CYTH3: variants seen among roughly 807,000 people sequenced by gnomAD.
CYTH3 encodes cytohesin 3.
In CYTH3, 23 loss-of-function variants were observed where a neutral mutation model predicts 55.1. The observed-to-expected ratio is 0.42, with a 90% CI of 0.30 to 0.59. The LOEUF (loss-of-function observed/expected upper bound fraction) is 0.59, where lower values mean the gene tolerates loss of function less well. Among genes scored for constraint, CYTH3 ranks in the 20% least tolerant of loss-of-function variants. CYTH3 has a pLI of 0.20. For missense variants in CYTH3, 413 were observed against 524.8 expected (o/e 0.79, Z 2.08); for synonymous variants, 249 against 194.9 (o/e 1.28, Z -2.31).
intron 9 of CYTH3, among the ~76,000 whole-genome samples, chr7:6,168,239 T>C (rs1006117067): frequency 4.7e-5 from 7 of 149,498 alleles, no homozygotes; most frequent in Non-Finnish European, 8.9e-5. Flanking sequence ...TTTTTTTTTT[T>C]CTGGTGATTG....
intron 1 of CYTH3, among the ~76,000 whole-genome samples, chr7:6,217,174 A>G (rs953335778): frequency 3.9e-5 from 6 of 152,224 alleles, no homozygotes; most frequent in African/African-American, 1.4e-4. Flanking sequence ...TCGGCCTCCC[A>G]AAGTGCCAAG....
chr7:6,177,165 C>A (rs1036529011), intron 5 of CYTH3, among the ~76,000 whole-genome samples: 2 of 152,198 alleles, frequency 1.3e-5, no homozygotes, highest in Non-Finnish European at 2.9e-5. Context: ...TCAGGTAGTG[C>A]TGGCCTCAGA....
At chr7:6,260,073 C>T (rs1409810019) in intron 1 of CYTH3, among the ~76,000 whole-genome samples, 1 of 150,920 alleles carries the variant, frequency 6.6e-6, no homozygotes, top group African/African-American at 2.4e-5. Context: ...AGGTGATCCA[C>T]CCTCCTCGGC....
intron 1 of CYTH3, among the ~76,000 whole-genome samples, chr7:6,242,525 C>G (rs1026570027): frequency 3.3e-5 from 5 of 150,486 alleles, no homozygotes; most frequent in South Asian, 4.2e-4. Flanking sequence ...TACAGGCACT[C>G]GTCACCACAC....
At chr7:6,234,135 A>G (rs1441156354) in intron 1 of CYTH3, among the ~76,000 whole-genome samples, 1 of 152,234 alleles carries the variant, frequency 6.6e-6, no homozygotes, top group Non-Finnish European at 1.5e-5. Context: ...ATCTTTCTAA[A>G]TCGCAGAACT....
chr7:6,181,454 CCTGT>C (rs2058901046), intron 4 of CYTH3, among the ~76,000 whole-genome samples: 1 of 152,202 alleles, frequency 6.6e-6, no homozygotes, highest in African/African-American at 2.4e-5. Flanking sequence ...CTGCTCCCCT[CCTGT>C]CTTTGATCCA....
intron 2 of CYTH3, 106 bp downstream of exon 2, chr7:6,190,343 T>TG: frequency 4.2e-6 from 4 of 957,072 alleles, no homozygotes; most frequent in East Asian, 5.9e-5. Flanking sequence ...TTTTTGTTTT[T>TG]GGGTTTTTTT....
At position 6,197,871 on chromosome 7, in the gene CYTH3, T is replaced by G. The variant is rs139674215; in HGVS notation, c.35-7340A>C. 3.7e-3 allele frequency among the ~76,000 whole-genome samples: 560 copies of G among 152,202 alleles called. 3 individuals carry two copies. The highest frequency in any genetic ancestry group is 0.012 in the African/African-American group (503 of 41,528). The stretch of plus-strand genomic sequence containing the variant: ...CTTTGGGAAGCCAAAGCCAGAAGAT[T>G]GCTTGAGGCCAGGAGTTTGAGACTA... On this transcript the variant is annotated intron_variant, in intron 1 of 12. Transcript: ENST00000350796.
chr7:6,203,800 G>A (rs1473908311), intron 1 of CYTH3, among the ~76,000 whole-genome samples: 2 of 151,696 alleles, frequency 1.3e-5, no homozygotes, highest in Non-Finnish European at 2.9e-5. Flanking sequence ...CTCACTGCAA[G>A]CTCCGCCTCC....
intron 9 of CYTH3, 64 bp from the exon 10 acceptor site, chr7:6,165,874 G>A: frequency 6.5e-7 from 1 of 1,543,544 alleles, no homozygotes; most frequent in African/African-American, 1.4e-5. Context: ...GTCCAAGAGG[G>A]GGCCCTGGAC....
intron 1 of CYTH3, among the ~76,000 whole-genome samples, chr7:6,195,285 C>A (rs1783897549): frequency 2.0e-5 from 3 of 152,052 alleles, no homozygotes; most frequent in African/African-American, 7.2e-5. Context: ...AAAAATTTTG[C>A]AAAAAGACAC....
chr7:6,174,326 G>T (rs532588923), intron 5 of CYTH3, among the ~76,000 whole-genome samples: 2 of 151,190 alleles, frequency 1.3e-5, no homozygotes, highest in African/African-American at 4.9e-5. Context: ...TGTTGGTCAG[G>T]CTGGTCTCGA....
chr7:6,194,063 G>A (rs1057113387), intron 1 of CYTH3, among the ~76,000 whole-genome samples: 1 of 152,074 alleles, frequency 6.6e-6, no homozygotes, highest in Non-Finnish European at 1.5e-5. Flanking sequence ...CAGTCAACAC[G>A]GCCTTCTGCT....
In CYTH3 at chr7:6,268,532, G is replaced by A. The variant is rs112478477; in HGVS notation, c.34+3942C>T. Among the ~76,000 whole-genome samples the A allele has an allele frequency of 5.3e-5, 8 of 152,168 alleles. No homozygotes were observed. The South Asian group carries it at 1.0e-3, about 20-fold the overall frequency. Reference sequence around the variant, plus strand: ...TGTCAACTAAGAAAAGAGCTTCCTCGTTCCTTTCTACAACTTTACAACCTC... The same window carrying A: ...TGTCAACTAAGAAAAGAGCTTCCTCATTCCTTTCTACAACTTTACAACCTC... On this transcript the variant is annotated intron_variant, in intron 1 of 12. Transcript: ENST00000350796.
At chr7:6,216,575 C>CA (rs986476491) in intron 1 of CYTH3, among the ~76,000 whole-genome samples, 10 of 150,922 alleles carry the variant, frequency 6.6e-5, no homozygotes, top group South Asian at 6.3e-4. Context: ...CCCATCTCTA[C>CA]AAAAAAAATC....
At chr7:6,200,546 C>G (rs897686620) in intron 1 of CYTH3, among the ~76,000 whole-genome samples, 2 of 152,148 alleles carry the variant, frequency 1.3e-5, no homozygotes, top group Non-Finnish European at 2.9e-5. Context: ...ACCTTTATTA[C>G]TAATCAATAC....
intron 4 of CYTH3, among the ~76,000 whole-genome samples, chr7:6,183,920 G>C (rs1476243551): frequency 1.3e-5 from 2 of 152,020 alleles, no homozygotes; most frequent in African/African-American, 4.8e-5. Flanking sequence ...ACAGCAAGAA[G>C]GCGGCTACTA....
intron 1 of CYTH3, among the ~76,000 whole-genome samples, chr7:6,241,363 C>T (rs1040647814): frequency 5.9e-5 from 9 of 152,110 alleles, no homozygotes; most frequent in African/African-American, 1.2e-4. Context: ...GCAAACTAAA[C>T]GGAAATACCA....
At chr7:6,255,756 CTG>C (rs1780083953) in intron 1 of CYTH3, among the ~76,000 whole-genome samples, 1 of 126,342 alleles carries the variant, frequency 7.9e-6, no homozygotes, top group Non-Finnish European at 1.6e-5. Flanking sequence ...GACCTTTAAT[CTG>C]TTTTTTTTTT....
Sources: allele counts gnomAD v4.1 joint callset (sites outside exome capture counted in the v4.1 genomes callset), GRCh38; gene constraint gnomAD v4.1.1; transcripts MANE v1.5; gene names NCBI Gene and HGNC (gene_info 2026-07-23, HGNC 2026-07-21).